Variants in CSTF3 observed in about 807,000 individuals in gnomAD.
The protein encoded by CSTF3 is cleavage stimulation factor subunit 3.
In CSTF3, 29 loss-of-function variants were observed where a neutral mutation model predicts 105.8. That is an observed-to-expected ratio of 0.27 (90% CI 0.20 to 0.37). The LOEUF is 0.37. Among genes scored for constraint, CSTF3 ranks in the 10% least tolerant of loss-of-function variants. The pLI, the probability that CSTF3 is intolerant of heterozygous loss-of-function variation, is 1.00. For missense variants in CSTF3, 357 were observed against 879.3 expected (o/e 0.41, Z 7.51); for synonymous variants, 252 against 281.9 (o/e 0.89, Z 1.06).
chr11:33,161,251 G>T (rs371052876), intron 1 of CSTF3, 48 bp downstream of exon 1: 7 of 1,608,258 alleles, frequency 4.4e-6, no homozygotes, highest in Non-Finnish European at 3.4e-6. Context: ...CGGAGGAACA[G>T]ACGTGGAGAA....
At chr11:33,141,623 A>AT (rs769235345) in intron 3 of CSTF3, 44 bp downstream of exon 3, 2 of 1,568,290 alleles carry the variant, frequency 1.3e-6, no homozygotes, top group Non-Finnish European at 1.7e-6. Flanking sequence ...ACTACAGTGA[A>AT]TGCTGCAATA....
At position 33,085,019 on chromosome 11, in the gene CSTF3, CTT is replaced by C. The variant is rs761276092; in HGVS notation, c.*66_*67del. On this transcript the variant is annotated 3_prime_UTR_variant, in exon 21 of 21. Transcript: ENST00000323959. The stretch of plus-strand genomic sequence containing the variant: ...AGAACCTTGTAACAAAGCGTTGTCT[CTT>C]TTAAACATACCACTTGAGGCAAAAG... The C allele has an allele frequency of 1.0e-5, 16 of 1,536,704 alleles. No homozygotes were observed. The highest frequency in any genetic ancestry group is 2.2e-5 in the East Asian group (1 of 44,546).
chr11:33,097,801 G>C (rs1855240465), intron 13 of CSTF3, among the ~76,000 whole-genome samples: 1 of 152,182 alleles, frequency 6.6e-6, no homozygotes, highest in Admixed American at 6.5e-5. Context: ...AGAGTGTCCA[G>C]TACATCATGA....
At chr11:33,102,487 T>A in intron 9 of CSTF3, 148 bp from the exon 10 acceptor site, 1 of 721,772 alleles carries the variant, frequency 1.4e-6, no homozygotes, top group South Asian at 2.0e-5. Flanking sequence ...TATTTAAGAG[T>A]AGAGAGAAAG....
At chr11:33,132,718 T>G (rs1295440580) in intron 3 of CSTF3, among the ~76,000 whole-genome samples, 1 of 152,228 alleles carries the variant, frequency 6.6e-6, no homozygotes, top group Non-Finnish European at 1.5e-5. Flanking sequence ...TGCTAAGAAT[T>G]TCATTATTTG....
intron 3 of CSTF3, among the ~76,000 whole-genome samples, chr11:33,123,976 T>C (rs979973969): frequency 9.9e-5 from 15 of 152,078 alleles, no homozygotes; most frequent in Admixed American, 6.5e-5. Flanking sequence ...TTTGAGTTTT[T>C]ACATTTAAAC....
chr11:33,143,125 A>C (rs1382638030), intron 1 of CSTF3, among the ~76,000 whole-genome samples: 5 of 152,208 alleles, frequency 3.3e-5, no homozygotes, highest in Admixed American at 3.3e-4. Flanking sequence ...TTAAAAACAC[A>C]ATTCACAATT....
Position 33,085,150 on chromosome 11 carries a change from C to A in CSTF3, c.2091G>T (p.Lys697Asn). The change falls in exon 21 of 21, where the codon AAG (lysine) becomes AAT (asparagine). Residue 697 changes from lysine (K) to asparagine (N), a missense_variant. Coordinates refer to ENST00000323959, the MANE Select transcript of CSTF3 (RefSeq NM_001326.3). The part of the protein sequence containing the change: ...PNEDSDEDEE[K>N]GAVVPPVHDI... ...CATGAACAGGGGGGACAACGGCTCCCTTTTCTTCATCTTCATCTGAATCCT... is the reference window on the plus strand; with the variant it reads ...CATGAACAGGGGGGACAACGGCTCCATTTTCTTCATCTTCATCTGAATCCT... 1 of 1,614,140 alleles carries A rather than the reference C, an allele frequency of 6.2e-7. No individual in the cohort carries two copies. The highest frequency in any genetic ancestry group is 8.5e-7 in the Non-Finnish European group (1 of 1,180,012).
chr11:33,093,938 C>T (rs979242853), intron 15 of CSTF3, among the ~76,000 whole-genome samples: 3 of 152,276 alleles, frequency 2.0e-5, no homozygotes, highest in African/African-American at 7.2e-5. Flanking sequence ...GAACCCCTCA[C>T]CTCGTGATCT....
chr11:33,141,708 G>A lies in CSTF3; in HGVS notation c.184C>T (p.Pro62Ser), dbSNP rs758817866. The change falls in exon 3 of 21, where the codon CCC (proline) becomes TCC (serine). Residue 62 changes from proline (P) to serine (S), a missense_variant. Physicochemically the swap from Pro to Ser is moderately conservative, Grantham distance 74. Coordinates refer to ENST00000323959, the MANE Select transcript of CSTF3 (RefSeq NM_001326.3). ...AGTTTCCAGAATCTGCCAGAACTGG[G>A]GAACTGGGCAACAAGGCGTTCATAA... ...KTYERLVAQFPSSGRFWKLYI... is the reference protein window; with the variant it reads ...KTYERLVAQFSSSGRFWKLYI... 6.8e-6 allele frequency: 11 copies of A among 1,611,944 alleles called. No homozygotes were observed. The highest frequency in any genetic ancestry group is 6.7e-5 in the Admixed American group (4 of 59,528).
At chr11:33,103,954 C>T (rs1366442613) in intron 8 of CSTF3, among the ~76,000 whole-genome samples, 1 of 152,066 alleles carries the variant, frequency 6.6e-6, no homozygotes, top group Non-Finnish European at 1.5e-5. Flanking sequence ...TTGCCTCAGA[C>T]ATAGGACTAC....
At chr11:33,097,126 A>C (rs991327662) in intron 13 of CSTF3, 148 bp from the exon 14 acceptor site, 1 of 551,914 alleles carries the variant, frequency 1.8e-6, no homozygotes, top group Non-Finnish European at 3.0e-6. Flanking sequence ...CTGGTATTAG[A>C]GATGCATGCA....
Position 33,161,389 on chromosome 11 carries a change from C to G in CSTF3, c.-64G>C. On this transcript the variant is annotated 5_prime_UTR_variant, in exon 1 of 21. Transcript: ENST00000323959. ...GGGAAGCTAGAAAAGAAAAATTAAACTAAAAACCACCCCCAAATCAGTAAA... is the reference window on the plus strand; with the variant it reads ...GGGAAGCTAGAAAAGAAAAATTAAAGTAAAAACCACCCCCAAATCAGTAAA... 1 of 1,579,648 alleles carries G rather than the reference C, an allele frequency of 6.3e-7. No individual in the cohort carries two copies. Among genetic ancestry groups the G allele is most frequent in the Non-Finnish European group, 8.6e-7 (1 of 1,157,298 alleles).
At chr11:33,102,145 A>G in intron 10 of CSTF3, 32 bp downstream of exon 10, 1 of 1,593,754 alleles carries the variant, frequency 6.3e-7, no homozygotes, top group Middle Eastern at 2.1e-4. Flanking sequence ...ACATACATGT[A>G]ACTGAAGTCC....
intron 3 of CSTF3, among the ~76,000 whole-genome samples, chr11:33,139,232 G>GATGT (rs1400208543): frequency 1.3e-5 from 2 of 151,678 alleles, no homozygotes; most frequent in Non-Finnish European, 3.0e-5. Flanking sequence ...CGTTACTAAA[G>GATGT]ATGTATGTAT....
At chr11:33,124,916 T>C (rs1460258333) in intron 3 of CSTF3, among the ~76,000 whole-genome samples, 1 of 152,226 alleles carries the variant, frequency 6.6e-6, no homozygotes, top group African/African-American at 2.4e-5. Context: ...AGGTCATTTA[T>C]CTTTTTGTTT....
At position 33,141,536 on chromosome 11, in the gene CSTF3, T is replaced by C. The variant is rs372140302; in HGVS notation, c.225+131A>G. The C allele has an allele frequency of 1.3e-3, 1,751 of 1,388,538 alleles. 1 individual carries two copies. The highest frequency in any genetic ancestry group is 1.5e-3 in the Non-Finnish European group (1,598 of 1,070,442). 86.0% of individuals were successfully genotyped at this position (1,388,538 alleles called of 1,614,324 possible). A position where few individuals can be genotyped will look rare whatever the true frequency, so the allele number is the denominator to read the frequency against. ...TTCATTTTAATTACTCCTTTATACC[T>C]ATTTTACAAAATAAAGGTAAGACAC... On this transcript the variant is annotated intron_variant, in intron 3 of 20. Transcript: ENST00000323959.
intron 17 of CSTF3, among the ~76,000 whole-genome samples, chr11:33,087,573 A>G (rs761411315): frequency 7.2e-5 from 11 of 152,252 alleles, no homozygotes; most frequent in South Asian, 6.2e-4. Flanking sequence ...TGTTTTGTGA[A>G]GGCATCACAC....
rs569227579 is a variant in CSTF3 at position 33,112,315 on chromosome 11, A to C, written c.226-3897T>G. 2.6e-5 allele frequency among the ~76,000 whole-genome samples: 4 copies of C among 152,276 alleles called. No homozygotes were observed. The South Asian group carries it at 8.3e-4, about 32-fold the overall frequency. On this transcript the variant is annotated intron_variant, in intron 3 of 20. Coordinates refer to ENST00000323959, the MANE Select transcript of CSTF3 (RefSeq NM_001326.3). ...TTAAATCTGCAGTGTGACAAAATGA[A>C]AAGAATTTGATCACATTGCATTAAT... is the stretch of plus-strand genomic sequence containing the variant.
Sources: gnomAD v4.1 joint callset for allele counts (sites outside exome capture counted in the v4.1 genomes callset) on GRCh38, gnomAD v4.1.1 for gene constraint, MANE v1.5 for transcripts, NCBI Gene and HGNC (gene_info 2026-07-23, HGNC 2026-07-21) for gene names.